Variants in PBX3 observed in about 807,000 individuals in gnomAD.
The protein encoded by PBX3 is pre-B-cell leukemia transcription factor 3.
In PBX3, 14 loss-of-function variants were observed where a neutral mutation model predicts 48.5. That is an observed-to-expected ratio of 0.29 (90% CI 0.19 to 0.45). The LOEUF is 0.45. PBX3 is among the 20% of genes least tolerant of loss of function. The probability of loss-of-function intolerance (pLI) is 1.00; values close to 1 mark genes in which losing one functional copy is unlikely to be tolerated. For missense variants in PBX3, 386 were observed against 546.7 expected, an observed-to-expected ratio of 0.71 and a Z score of 2.93; for synonymous variants, 210 against 200.3, an observed-to-expected ratio of 1.05 and a Z score of -0.41.
chr9:125,879,057 T>G (rs1840319763), intron 2 of PBX3, among the ~76,000 whole-genome samples: 1 of 151,700 alleles, frequency 6.6e-6, no homozygotes, highest in African/African-American at 2.4e-5. Context: ...TGAATGTTGC[T>G]TTTACAAAGA....
At chr9:125,823,554 TTAAA>T (rs1018475603) in intron 2 of PBX3, among the ~76,000 whole-genome samples, 1 of 150,616 alleles carries the variant, frequency 6.6e-6, no homozygotes, top group African/African-American at 2.5e-5. Flanking sequence ...GGTAATAGTG[TTAAA>T]TAAAGTTTTA....
At chr9:125,824,677 A>G (rs1372252687) in intron 2 of PBX3, among the ~76,000 whole-genome samples, 2 of 151,522 alleles carry the variant, frequency 1.3e-5, no homozygotes, top group African/African-American at 4.8e-5. Context: ...ATTAGAATCT[A>G]TATGATGAAT....
chr9:125,809,127 A>C (rs1463190073), intron 2 of PBX3, among the ~76,000 whole-genome samples: 2 of 152,242 alleles, frequency 1.3e-5, no homozygotes, highest in African/African-American at 4.8e-5. Context: ...ATACCTGTTA[A>C]CCATATAAGA....
At position 125,752,453 on chromosome 9, in the gene PBX3, C is replaced by G. The variant is rs539430392; in HGVS notation, c.274+3830C>G. Among the ~76,000 whole-genome samples the G allele has an allele frequency of 2.0e-5, 3 of 152,238 alleles. No homozygotes were observed. The South Asian group carries it at 6.2e-4, about 32-fold the overall frequency. ...AGAATTTTAGATATTAAAACTAGAT[C>G]AAGAGTATAGTTTACAAGTGAGGTT... On this transcript the variant is annotated intron_variant, in intron 2 of 8. Coordinates refer to ENST00000373489, the MANE Select transcript of PBX3 (RefSeq NM_006195.6).
intron 2 of PBX3, among the ~76,000 whole-genome samples, chr9:125,798,036 A>G (rs10986925): frequency 0.02 from 3,060 of 152,244 alleles, 171 homozygotes; most frequent in East Asian, 0.17. Flanking sequence ...GCTTTTTACA[A>G]TGCATTTCTG....
intron 2 of PBX3, among the ~76,000 whole-genome samples, chr9:125,853,069 C>T (rs564166820): frequency 1.3e-5 from 2 of 152,192 alleles, no homozygotes; most frequent in East Asian, 1.9e-4. Flanking sequence ...CCAGTGGAGT[C>T]AGTATCTGTA....
chr9:125,792,569 A>G (rs1050945255), intron 2 of PBX3, among the ~76,000 whole-genome samples: 1 of 152,186 alleles, frequency 6.6e-6, no homozygotes, highest in Non-Finnish European at 1.5e-5. Context: ...GCCTTAGCTT[A>G]TAGCTCCCAG....
chr9:125,958,653 T>C (rs1161635745), intron 5 of PBX3, among the ~76,000 whole-genome samples: 1 of 152,134 alleles, frequency 6.6e-6, no homozygotes, highest in African/African-American at 2.4e-5. Context: ...AAAGAAAATA[T>C]AGAGGAGGTG....
At chr9:125,829,228 A>C (rs1838890339) in intron 2 of PBX3, among the ~76,000 whole-genome samples, 1 of 152,194 alleles carries the variant, frequency 6.6e-6, no homozygotes, top group African/African-American at 2.4e-5. Flanking sequence ...TTCATTAGCT[A>C]GTGGCCCAGA....
At chr9:125,859,839 A>G (rs1839816024) in intron 2 of PBX3, among the ~76,000 whole-genome samples, 1 of 152,240 alleles carries the variant, frequency 6.6e-6, no homozygotes, top group African/African-American at 2.4e-5. Context: ...CATAAAGACA[A>G]TGAAAATGTG....
intron 2 of PBX3, among the ~76,000 whole-genome samples, chr9:125,866,339 T>A (rs1003080959): frequency 6.6e-6 from 1 of 152,234 alleles, no homozygotes; most frequent in African/African-American, 2.4e-5. Flanking sequence ...ATCTGTATAG[T>A]TATTTTATAC....
chr9:125,763,099 A>G (rs1836711791), intron 2 of PBX3, among the ~76,000 whole-genome samples: 1 of 152,248 alleles, frequency 6.6e-6, no homozygotes, highest in Admixed American at 6.5e-5. Flanking sequence ...CAGCAAATAC[A>G]GTGCTGAAAT....
chr9:125,794,643 A>G (rs1249977776), intron 2 of PBX3, among the ~76,000 whole-genome samples: 1 of 151,634 alleles, frequency 6.6e-6, no homozygotes, highest in Non-Finnish European at 1.5e-5. Context: ...TTACTCATGT[A>G]TGCCTTTTGT....
intron 3 of PBX3, among the ~76,000 whole-genome samples, chr9:125,918,812 G>C (rs979314328): frequency 6.6e-6 from 1 of 152,116 alleles, no homozygotes; most frequent in Non-Finnish European, 1.5e-5. Flanking sequence ...TATTAGGATC[G>C]GTGCATTTTG....
chr9:125,901,757 G>GCAA lies in PBX3; in HGVS notation c.275-13922_275-13920dup, dbSNP rs202087421. On this transcript the variant is annotated intron_variant, in intron 2 of 8. Transcript: ENST00000373489. ...CAAACAACAACAACAAACAACAACA[G>GCAA]CAACAACAAAAACCAGGTAGTAATC... Among the ~76,000 whole-genome samples the GCAA allele has an allele frequency of 4.4e-4, 67 of 151,730 alleles. No homozygotes were observed. The East Asian group carries it at 0.012, about 27-fold the overall frequency.
chr9:125,941,368 T>C (rs1841955669), intron 5 of PBX3, among the ~76,000 whole-genome samples: 1 of 152,202 alleles, frequency 6.6e-6, no homozygotes, highest in Non-Finnish European at 1.5e-5. Context: ...GGGCTTTCAC[T>C]GTGAGATGGG....
intron 5 of PBX3, among the ~76,000 whole-genome samples, chr9:125,945,739 G>T (rs1439964665): frequency 6.6e-6 from 1 of 152,192 alleles, no homozygotes; most frequent in Admixed American, 6.5e-5. Context: ...GGACATTAAA[G>T]CTTGGCAGCA....
At chr9:125,851,000 T>G (rs1386340882) in intron 2 of PBX3, among the ~76,000 whole-genome samples, 1 of 152,098 alleles carries the variant, frequency 6.6e-6, no homozygotes, top group African/African-American at 2.4e-5. Flanking sequence ...TCTTCTGGCC[T>G]TGGTTGCATG....
At chr9:125,925,008 C>G (rs547953732) in intron 3 of PBX3, among the ~76,000 whole-genome samples, 13 of 152,308 alleles carry the variant, frequency 8.5e-5, no homozygotes, top group Admixed American at 7.8e-4. Context: ...AGTGCTCTTT[C>G]TCAAGACAGT....
Sources: gnomAD v4.1 joint callset for allele counts (sites outside exome capture counted in the v4.1 genomes callset) on GRCh38, gnomAD v4.1.1 for gene constraint, MANE v1.5 for transcripts, NCBI Gene and HGNC (gene_info 2026-07-23, HGNC 2026-07-21) for gene names.